TECPR1: variants seen among roughly 807,000 people sequenced by gnomAD.
The protein encoded by TECPR1 is tectonin beta-propeller repeat containing 1.
A neutral mutation model predicts 162.4 loss-of-function variants in TECPR1; 122 were observed. That is an observed-to-expected ratio of 0.75 (90% CI 0.65 to 0.87). TECPR1 has a LOEUF of 0.87. Ranked by LOEUF, TECPR1 falls within the 40% of genes least tolerant of loss-of-function variation. The probability of loss-of-function intolerance (pLI) is 0.00; values close to 1 mark genes in which losing one functional copy is unlikely to be tolerated. For synonymous variants in TECPR1, 642 were observed against 670.6 expected (o/e 0.96, Z 0.66); for missense variants, 1,432 against 1,618.2 (o/e 0.88, Z 1.97).
At position 98,217,980 on chromosome 7, in the gene TECPR1, C is replaced by T. The variant is rs750776780; in HGVS notation, c.3220G>A (p.Val1074Met). The T allele has an allele frequency of 2.9e-5, 45 of 1,565,310 alleles. No homozygotes were observed. Among genetic ancestry groups the T allele is most frequent in the Admixed American group, 1.9e-4 (10 of 52,608 alleles). The change falls in exon 24 of 26, where the codon GTG becomes ATG. Residue 1074 changes from valine to methionine, a missense_variant. Physicochemically the swap from Val to Met is conservative, Grantham distance 21. Coordinates refer to ENST00000447648, the MANE Select transcript of TECPR1 (RefSeq NM_015395.3). ...GACACTCGGCACACGTTGTTGGACA[C>T]GTGCTCCCAGCTGGAGCCCTGCGGG... Reference protein sequence around the residue: ...SYPQGSSWEHVSNNVCRVSVG... With the variant: ...SYPQGSSWEHMSNNVCRVSVG...
At chr7:98,245,184 C>T (rs534488030) in intron 3 of TECPR1, 117 bp from the exon 4 acceptor site, 1 of 1,161,264 alleles carries the variant, frequency 8.6e-7, no homozygotes, top group Middle Eastern at 2.8e-4. Context: ...TCATTGATCT[C>T]CAGAATAGGA....
chr7:98,223,745 G>C, intron 19 of TECPR1, 27 bp from the exon 20 acceptor site: 1 of 1,613,236 alleles, frequency 6.2e-7, no homozygotes, highest in Non-Finnish European at 8.5e-7. Flanking sequence ...GATGAAATCA[G>C]GGCCACTTCG....
chr7:98,237,564 C>G (rs1397904132), intron 9 of TECPR1, among the ~76,000 whole-genome samples: 1 of 152,106 alleles, frequency 6.6e-6, no homozygotes, highest in Non-Finnish European at 1.5e-5. Context: ...CGCCTCCCAG[C>G]TTCAACCGAT....
chr7:98,244,983 G>A lies in TECPR1; in HGVS notation c.310C>T (p.Arg104Trp), dbSNP rs369275211. The change falls in exon 4 of 26, where the codon CGG becomes TGG. Residue 104 changes from arginine (R) to tryptophan (W), a missense_variant. Physicochemically the swap from Arg to Trp is moderately radical, Grantham distance 101 (BLOSUM62 -3). Coordinates refer to ENST00000447648, the MANE Select transcript of TECPR1 (RefSeq NM_015395.3). ...GGCAGTGCCACCCTGTCCAGCGGCC[G>A]GTGCTGGAGCCCACTCACGTCACTC... ...GWSDVSGLQHRPLDRVALPSP... is the reference protein window; with the variant it reads ...GWSDVSGLQHWPLDRVALPSP... The A allele has an allele frequency of 5.1e-5, 83 of 1,612,002 alleles. No homozygotes were observed. The highest frequency in any genetic ancestry group is 1.6e-4 in the Middle Eastern group (1 of 6,082).
At chr7:98,222,019 T>C (rs1798154990) in intron 22 of TECPR1, among the ~76,000 whole-genome samples, 1 of 152,226 alleles carries the variant, frequency 6.6e-6, no homozygotes, top group Admixed American at 6.5e-5. Context: ...CCTCAGGGGC[T>C]GCCCTGCTAA....
At chr7:98,231,710 C>T in intron 13 of TECPR1, 94 bp downstream of exon 13, 1 of 1,481,470 alleles carries the variant, frequency 6.8e-7, no homozygotes, top group East Asian at 2.3e-5. Flanking sequence ...TTTCTGTACC[C>T]CTCCCCTGGG....
At chr7:98,234,705 C>CTTTTTTTTTTTTTTTTTTTTTTTTTTTTT (rs34332931) in intron 10 of TECPR1, among the ~76,000 whole-genome samples, 1 of 73,508 alleles carries the variant, frequency 1.4e-5, no homozygotes, top group Non-Finnish European at 2.5e-5. Flanking sequence ...TTGTTATTGT[C>CTTTTTTTTTTTTTTTTTTTTTTTTTTTTT]TTTTTTTTTT....
chr7:98,234,626 T>A (rs1000931003), intron 10 of TECPR1, among the ~76,000 whole-genome samples: 12 of 151,756 alleles, frequency 7.9e-5, no homozygotes, highest in Admixed American at 5.9e-4. Flanking sequence ...TTCTCCACAG[T>A]GGCTGTACCA....
rs533885040 is a variant in TECPR1, at chr7:98,218,108, G to A, written c.3158-66C>T. 2.6e-3 allele frequency: 3,408 copies of A among 1,336,302 alleles called. 18 individuals are homozygous for A. The highest frequency in any genetic ancestry group is 8.6e-3 in the Middle Eastern group (34 of 3,974). The allele number at this position is 1,336,302 out of a possible 1,614,324, so 82.8% of individuals were successfully genotyped here. On this transcript the variant is annotated intron_variant, in intron 23 of 25. Coordinates refer to ENST00000447648, the MANE Select transcript of TECPR1 (RefSeq NM_015395.3). ...CCGGCCCCTCCTGCCCGTGCGGCCC[G>A]GCAGCCGGTGGCCAGGCCCCGCTCT... is the stretch of plus-strand genomic sequence containing the variant.
chr7:98,235,851 A>AAAAAAAAAAAAAAAAAAAAAAAACAACAC (rs1554401451), intron 10 of TECPR1, among the ~76,000 whole-genome samples: 3 of 147,278 alleles, frequency 2.0e-5, no homozygotes, highest in Non-Finnish European at 3.0e-5. Flanking sequence ...AAAAAAAAAA[A>AAAAAAAAAAAAAAAAAAAAAAAACAACAC]CACCATCTGA....
In TECPR1 at chr7:98,244,970, C is replaced by T; in HGVS notation, c.323G>A (p.Arg108Lys). 1 of 1,612,766 alleles carries T rather than the reference C, an allele frequency of 6.2e-7. No homozygotes were observed. The highest frequency in any genetic ancestry group is 8.5e-7 in the Non-Finnish European group (1 of 1,179,798). Residue 108 changes from arginine (R) to lysine (K), a missense_variant, in exon 4 of 26, where the codon AGG becomes AAG. Coordinates refer to ENST00000447648, the MANE Select transcript of TECPR1 (RefSeq NM_015395.3). ...VSGLQHRPLD[R>K]VALPSPHWEW... ...CCAGTGCGGCGAGGGCAGTGCCACC[C>T]TGTCCAGCGGCCGGTGCTGGAGCCC... is the stretch of plus-strand genomic sequence containing the variant.
chr7:98,243,923 C>T (rs1052876067), intron 5 of TECPR1, among the ~76,000 whole-genome samples: 3 of 152,176 alleles, frequency 2.0e-5, no homozygotes, highest in Non-Finnish European at 4.4e-5. Flanking sequence ...GTTAACCGGG[C>T]ATGGTGGTGC....
Position 98,231,323 on chromosome 7 carries a change from G to A in TECPR1, c.2025C>T (p.Asn675=), listed in dbSNP as rs979885085. Residue 675 remains asparagine, a synonymous_variant, in exon 14 of 26, where the codon AAC becomes AAT. Transcript: ENST00000447648. ...ACAGGGCAAAGGAGTGCTTGGTCTC[G>A]TTCAGCACTGGGACCAGCGCCACCA... The part of the protein sequence containing the change: ...NEVVALVPVL[N]ETKHSFALYT... 72 of 1,611,242 alleles carry A rather than the reference G, an allele frequency of 4.5e-5. No individual in the cohort carries two copies. The highest frequency in any genetic ancestry group is 6.6e-5 in the South Asian group (6 of 90,616).
intron 2 of TECPR1, among the ~76,000 whole-genome samples, chr7:98,250,136 T>C (rs2116644889): frequency 6.6e-6 from 1 of 152,242 alleles, no homozygotes; most frequent in East Asian, 1.9e-4. Context: ...AGTAAGGTCA[T>C]AATTGGTGGA....
At chr7:98,228,276 G>A (rs555631952) in intron 16 of TECPR1, among the ~76,000 whole-genome samples, 160 bp from the exon 17 acceptor site, 3 of 152,310 alleles carry the variant, frequency 2.0e-5, no homozygotes, top group African/African-American at 7.2e-5. Context: ...TCGCACGGGG[G>A]TCGGCCTGGC....
At chr7:98,242,970 ACCC>A (rs1466670342) in intron 6 of TECPR1, among the ~76,000 whole-genome samples, 36 of 88,644 alleles carry the variant, frequency 4.1e-4, no homozygotes, top group Admixed American at 7.7e-4. Flanking sequence ...CCACACATCC[ACCC>A]ACACCCATCC....
chr7:98,231,406 C>A, intron 13 of TECPR1, 33 bp from the exon 14 acceptor site: 2 of 1,564,236 alleles, frequency 1.3e-6, no homozygotes, highest in Non-Finnish European at 1.7e-6. Flanking sequence ...GCAGGGCTGT[C>A]ACCCAGGGCA....
Position 98,241,175 on chromosome 7 carries a change from C to G in TECPR1, c.727G>C (p.Gly243Arg). 1 of 1,612,852 alleles carries G rather than the reference C, an allele frequency of 6.2e-7. No individual in the cohort carries two copies. The highest frequency in any genetic ancestry group is 1.1e-5 in the South Asian group (1 of 91,074). The change falls in exon 7 of 26, where the codon GGG (glycine) becomes CGG (arginine). Residue 243 changes from glycine to arginine, a missense_variant. Physicochemically the swap from Gly to Arg is moderately radical, Grantham distance 125. Coordinates refer to ENST00000447648, the MANE Select transcript of TECPR1 (RefSeq NM_015395.3). This position sits in a 1 kb window ranked among gnomAD's most constrained non-coding sequence, Gnocchi z 5.0. ...GSSWSLLDTPGEVVQISCGPH... is the reference protein window; with the variant it reads ...GSSWSLLDTPREVVQISCGPH... ...CCACAGCTGATCTGAACCACCTCCC[C>G]GGGGGTGTCCAGCAGGGACCAGGAG...
At chr7:98,251,670 T>A (rs994312805) in intron 1 of TECPR1, 122 bp from the exon 2 acceptor site, 22 of 152,416 alleles carry the variant, frequency 1.4e-4, no homozygotes, top group Admixed American at 1.2e-3. Flanking sequence ...AGCCCAGTGC[T>A]GTGCACTTGG....
Sources: allele counts gnomAD v4.1 joint callset (sites outside exome capture counted in the v4.1 genomes callset), GRCh38; gene constraint gnomAD v4.1.1; non-coding constraint Gnocchi (gnomAD v3.1); transcripts MANE v1.5; gene names NCBI Gene and HGNC (gene_info 2026-07-23, HGNC 2026-07-21).